Variants in NPR1 observed in about 807,000 individuals in gnomAD.
The protein encoded by NPR1 is atrial natriuretic peptide receptor 1.
NPR1 carries 57 observed loss-of-function variants against 116.9 expected under a neutral mutation model. The observed-to-expected ratio is 0.49, with a 90% CI of 0.39 to 0.61. The LOEUF is 0.61. Among genes scored for constraint, NPR1 ranks in the 20% least tolerant of loss-of-function variants. The pLI is 0.00. For missense variants in NPR1, 1,096 were observed against 1,409.8 expected (o/e 0.78, Z 3.56); for synonymous variants, 555 against 601.6 (o/e 0.92, Z 1.13).
Position 153,686,707 on chromosome 1 carries a change from A to G in NPR1, c.1820A>G (p.Asn607Ser). 1.2e-6 allele frequency: 2 copies of G among 1,613,942 alleles called. No individual in the cohort carries two copies. The highest frequency in any genetic ancestry group is 2.2e-5 in the East Asian group (1 of 44,876). Reference protein sequence around the residue: ...RFVGACTDPPNICILTEYCPR... With the variant: ...RFVGACTDPPSICILTEYCPR... ...GTGGGAGCCTGCACCGACCCCCCCA[A>G]TATCTGCATCCTCACAGAGTACTGT... Residue 607 changes from asparagine (N) to serine (S), a missense_variant, in exon 11 of 22, where the codon AAT (asparagine) becomes AGT (serine). Coordinates refer to ENST00000368680, the MANE Select transcript of NPR1 (RefSeq NM_000906.4).
chr1:153,682,669 G>A, intron 5 of NPR1, 80 bp downstream of exon 5: 1 of 1,059,574 alleles, frequency 9.4e-7, no homozygotes, highest in Non-Finnish European at 1.4e-6. Flanking sequence ...GCCCTGCCAG[G>A]GCACCTGTTT....
chr1:153,693,596 G>A lies in NPR1; in HGVS notation c.*182G>A. Reference sequence around the variant, plus strand: ...ACCTCTGAGAGGGGACTGGCATGGGGGGATCTCAGAGCTTACAGGCTGAGC... The same window carrying A: ...ACCTCTGAGAGGGGACTGGCATGGGAGGATCTCAGAGCTTACAGGCTGAGC... On this transcript the variant is annotated 3_prime_UTR_variant, in exon 22 of 22. Transcript: ENST00000368680. 1 of 550,480 alleles carries A rather than the reference G, an allele frequency of 1.8e-6. No individual in the cohort carries two copies. Among genetic ancestry groups the A allele is most frequent in the Non-Finnish European group, 3.1e-6 (1 of 319,008 alleles). The allele number at this position is 550,480 out of a possible 1,614,324, so 34.1% of individuals were successfully genotyped here. A position where few individuals can be genotyped will look rare whatever the true frequency, so the allele number is the denominator to read the frequency against.
intron 20 of NPR1, among the ~76,000 whole-genome samples, chr1:153,692,851 T>C (rs1226315454): frequency 6.6e-6 from 1 of 152,136 alleles, no homozygotes; most frequent in Non-Finnish European, 1.5e-5. Context: ...TAATTTAAGT[T>C]GAAACAGGCA....
rs1670160178 is a variant in NPR1 at position 153,693,452 on chromosome 1, T to C, written c.*38T>C. On this transcript the variant is annotated 3_prime_UTR_variant, in exon 22 of 22. Transcript: ENST00000368680. ...CCTATCCCTCCACACCTCCCTACCC[T>C]GTGCCAGAAGCAACAGAGGTGCCAG... 6.5e-7 allele frequency: 1 copy of C among 1,539,688 alleles called. No individual in the cohort carries two copies. Among genetic ancestry groups the C allele is most frequent in the African/African-American group, 1.4e-5 (1 of 72,670 alleles).
chr1:153,688,254 C>G (rs1669990252), intron 15 of NPR1, 33 bp downstream of exon 15: 1 of 1,599,728 alleles, frequency 6.3e-7, no homozygotes, highest in African/African-American at 1.3e-5. Flanking sequence ...CCCCCAGGCC[C>G]TTCCTCCACA....
intron 2 of NPR1, 197 bp from the exon 3 acceptor site, chr1:153,680,983 A>G (rs984592786): frequency 2.8e-5 from 17 of 599,480 alleles, no homozygotes; most frequent in Non-Finnish European, 3.3e-5. Context: ...CACAGCCTGG[A>G]CAGGACTTGG....
Position 153,679,980 on chromosome 1 carries a change from C to A in NPR1, c.721+151C>A. On this transcript the variant is annotated intron_variant, in intron 1 of 21. Transcript: ENST00000368680. The surrounding 1 kb of genome is among the most constrained non-coding windows in gnomAD (Gnocchi z 4.2). ...ACTTTCAGCTCCCTGGCCCTTTCTA[C>A]AGCTGAGTTTCTATTTCCCTCTCTT... 2 of 1,106,968 alleles carry A rather than the reference C, an allele frequency of 1.8e-6. No individual in the cohort carries two copies. Among genetic ancestry groups the A allele is most frequent in the Non-Finnish European group, 2.5e-6 (2 of 796,458 alleles). The allele number at this position is 1,106,968 out of a possible 1,614,324, so 68.6% of individuals were successfully genotyped here. A position where few individuals can be genotyped will look rare whatever the true frequency, so the allele number is the denominator to read the frequency against.
chr1:153,693,103 C>T lies in NPR1; in HGVS notation c.3032-3C>T. The T allele has an allele frequency of 6.2e-7, 1 of 1,612,822 alleles. No homozygotes were observed. The highest frequency in any genetic ancestry group is 8.5e-7 in the Non-Finnish European group (1 of 1,179,410). ...ACCTTCCCTTCTCCCCTGTCCTACC[C>T]AGCCCTGAAGATCCACTTGTCTTCT... On this transcript the variant is annotated splice_polypyrimidine_tract_variant and splice_region_variant and intron_variant, in intron 20 of 21. Coordinates refer to ENST00000368680, the MANE Select transcript of NPR1 (RefSeq NM_000906.4).
chr1:153,689,162 A>C lies in NPR1; in HGVS notation c.2565-26A>C, dbSNP rs746660674. The stretch of plus-strand genomic sequence containing the variant: ...GCCCCTGTCCCGACCCCCAACTCTG[A>C]TCCTGCACCTGCCCTGACCCCTTAG... On this transcript the variant is annotated intron_variant, in intron 16 of 21. Transcript: ENST00000368680. The surrounding 1 kb of genome is among the most constrained non-coding windows in gnomAD (Gnocchi z 5.1). 6.2e-7 allele frequency: 1 copy of C among 1,614,070 alleles called. No individual in the cohort carries two copies. Among genetic ancestry groups the C allele is most frequent in the Non-Finnish European group, 8.5e-7 (1 of 1,179,990 alleles).
In NPR1 at chr1:153,693,506, C is replaced by T. The variant is rs982032355; in HGVS notation, c.*92C>T. On this transcript the variant is annotated 3_prime_UTR_variant, in exon 22 of 22. Transcript: ENST00000368680. ...TCAGCCTCACCCACAGCAGCCCCAT[C>T]GCCAAAGGATGGAAGTAATTTGAAT... is the stretch of plus-strand genomic sequence containing the variant. 14 of 1,157,722 alleles carry T rather than the reference C, an allele frequency of 1.2e-5. No homozygotes were observed. In the African/African-American group the frequency reaches 1.7e-4, roughly 14 times the overall value. 71.7% of individuals were successfully genotyped at this position (1,157,722 alleles called of 1,614,324 possible).
rs1438122337 is a variant in NPR1 at position 153,688,983 on chromosome 1, G to T, written c.2448G>T (p.Leu816=). The part of the protein sequence containing the change: ...RENSSNILDN[L]LSRMEQYANN... ...ACAGCAGCAACATCCTGGACAACCT[G>T]CTGTCCCGCATGGAGCAGTACGCGA... The change falls in exon 16 of 22, where the codon CTG becomes CTT. Residue 816 remains leucine (L), a synonymous_variant. Transcript: ENST00000368680. The T allele has an allele frequency of 6.2e-7, 1 of 1,614,176 alleles. No homozygotes were observed. The highest frequency in any genetic ancestry group is 2.2e-5 in the East Asian group (1 of 44,870).
Position 153,679,002 on chromosome 1 carries a change from C to T in NPR1, c.-107C>T. ...GGTGAGCGTCCCCGTCCCGCTCCTG[C>T]TCCTTCCCATAGGGACGCGCCTGAT... On this transcript the variant is annotated 5_prime_UTR_variant, in exon 1 of 22. Transcript: ENST00000368680. This position sits in a 1 kb window ranked among gnomAD's most constrained non-coding sequence, Gnocchi z 4.2. 7.7e-7 allele frequency: 1 copy of T among 1,299,528 alleles called. No homozygotes were observed. Among genetic ancestry groups the T allele is most frequent in the Non-Finnish European group, 9.9e-7 (1 of 1,009,184 alleles). 80.5% of individuals were successfully genotyped at this position (1,299,528 alleles called of 1,614,324 possible).
Position 153,679,898 on chromosome 1 carries a change from C to T in NPR1, c.721+69C>T, listed in dbSNP as rs1047229921. On this transcript the variant is annotated intron_variant, in intron 1 of 21. Transcript: ENST00000368680. The surrounding 1 kb of genome is among the most constrained non-coding windows in gnomAD (Gnocchi z 4.2). ...CTCCCCTCTGACCTGCCGGAGGCAT[C>T]GGGACTTTCTCTCTCATCTGGGGGC... 45 of 1,502,440 alleles carry T rather than the reference C, an allele frequency of 3.0e-5. No homozygotes were observed. The highest frequency in any genetic ancestry group is 3.6e-5 in the Non-Finnish European group (41 of 1,134,538). The allele number at this position is 1,502,440 out of a possible 1,614,324, so 93.1% of individuals were successfully genotyped here.
chr1:153,693,849 C>T lies in NPR1; in HGVS notation c.*435C>T. The T allele has an allele frequency of 2.5e-6, 1 of 400,790 alleles. No individual in the cohort carries two copies. The highest frequency in any genetic ancestry group is 4.4e-6 in the Non-Finnish European group (1 of 227,740). The allele number at this position is 400,790 out of a possible 1,614,324, so 24.8% of individuals were successfully genotyped here. A position where few individuals can be genotyped will look rare whatever the true frequency, so the allele number is the denominator to read the frequency against. On this transcript the variant is annotated 3_prime_UTR_variant, in exon 22 of 22. Coordinates refer to ENST00000368680, the MANE Select transcript of NPR1 (RefSeq NM_000906.4). ...CAGGGGAGCCCACATCTGGGGCTGG[C>T]CCACAATACCTGCTCCCCCGACCCC...
chr1:153,680,436 C>A, intron 1 of NPR1, 65 bp from the exon 2 acceptor site: 1 of 1,520,182 alleles, frequency 6.6e-7, no homozygotes, highest in Non-Finnish European at 9.1e-7. Context: ...GGTGCCCCAG[C>A]TTTCCTACTC....
chr1:153,679,094 G>A lies in NPR1; in HGVS notation c.-15G>A. 7.1e-7 allele frequency: 1 copy of A among 1,407,094 alleles called. No individual in the cohort carries two copies. The highest frequency in any genetic ancestry group is 9.1e-7 in the Non-Finnish European group (1 of 1,092,908). The allele number at this position is 1,407,094 out of a possible 1,614,324, so 87.2% of individuals were successfully genotyped here. On this transcript the variant is annotated 5_prime_UTR_variant, in exon 1 of 22. The change creates a new upstream start codon in the 5' untranslated region. Coordinates refer to ENST00000368680, the MANE Select transcript of NPR1 (RefSeq NM_000906.4). This position sits in a 1 kb window ranked among gnomAD's most constrained non-coding sequence, Gnocchi z 4.2. ...ATGGTAGGAGCGCTCGCCTGCTGCG[G>A]TGCCCGCTGAGGCCATGCCGGGGCC...
intron 9 of NPR1, 74 bp from the exon 10 acceptor site, chr1:153,686,049 C>T: frequency 6.6e-7 from 1 of 1,515,232 alleles, no homozygotes; most frequent in Non-Finnish European, 9.1e-7. Context: ...CAGGGATGGG[C>T]TGTCGGGAGC....
At chr1:153,681,947 C>T in intron 4 of NPR1, 108 bp downstream of exon 4, 2 of 1,320,112 alleles carry the variant, frequency 1.5e-6, no homozygotes, top group Non-Finnish European at 2.1e-6. Context: ...CCTATGCACA[C>T]CAGCCTTTTC....
At position 153,689,938 on chromosome 1, in the gene NPR1, C is replaced by T. The variant is rs981462548; in HGVS notation, c.2890C>T (p.Arg964Trp). 23 of 1,548,938 alleles carry T rather than the reference C, an allele frequency of 1.5e-5. No homozygotes were observed. Among genetic ancestry groups the T allele is most frequent in the Admixed American group, 5.9e-5 (3 of 51,218 alleles). The change falls in exon 19 of 22, where the codon CGG (arginine) becomes TGG (tryptophan). Residue 964 changes from arginine (R) to tryptophan (W), a missense_variant. By Grantham distance (101) the Arg-to-Trp change is moderately radical (BLOSUM62 -3). Transcript: ENST00000368680. The surrounding 1 kb of genome is among the most constrained non-coding windows in gnomAD (Gnocchi z 5.1). ...DAVRSFRIRHRPQEQLRLRIG... is the reference protein window; with the variant it reads ...DAVRSFRIRHWPQEQLRLRIG... ...TGTGCGCTCCTTCCGAATCCGCCAC[C>T]GGCCCCAGGAGCAGCTGCGCTTGCG...
Sources: gnomAD v4.1 joint callset for allele counts (sites outside exome capture counted in the v4.1 genomes callset) on GRCh38, gnomAD v4.1.1 for gene constraint, Gnocchi (gnomAD v3.1) non-coding constraint, MANE v1.5 for transcripts, NCBI Gene and HGNC (gene_info 2026-07-23, HGNC 2026-07-21) for gene names.